The following ACOXL variants were observed in gnomAD, a reference collection of about 807,000 sequenced individuals.
ACOXL encodes the protein acyl-coenzyme A oxidase-like protein.
A neutral mutation model predicts 71.9 loss-of-function variants in ACOXL; 70 were observed. The ratio of observed to expected loss-of-function variants is 0.97; its 90% CI spans 0.80 to 1.19. The LOEUF (loss-of-function observed/expected upper bound fraction) is 1.19. ACOXL is among the 50% of genes most tolerant of loss of function. The probability of loss-of-function intolerance (pLI) is 0.00; values close to 1 mark genes in which losing one functional copy is unlikely to be tolerated. For synonymous variants in ACOXL, 253 were observed against 281.6 expected (o/e 0.90, Z 1.02); for missense variants, 703 against 736.3 (o/e 0.95, Z 0.52).
intron 9 of ACOXL, among the ~76,000 whole-genome samples, chr2:110,809,849 G>A (rs1328845127): frequency 6.6e-6 from 1 of 152,212 alleles, no homozygotes; most frequent in African/African-American, 2.4e-5. Flanking sequence ...TGGAGTGGTG[G>A]TGTGGCTCTG....
At chr2:110,857,237 A>G (rs1693369379) in intron 10 of ACOXL, among the ~76,000 whole-genome samples, 1 of 152,146 alleles carries the variant, frequency 6.6e-6, no homozygotes. Context: ...GCTCTCACAT[A>G]TAGATGTAGA....
At chr2:111,006,159 A>G (rs1430050201) in intron 14 of ACOXL, among the ~76,000 whole-genome samples, 1 of 152,236 alleles carries the variant, frequency 6.6e-6, no homozygotes, top group Non-Finnish European at 1.5e-5. Context: ...TGAGTTAGGA[A>G]GATGACCTGA....
chr2:111,057,977 C>CAA (rs5833384), intron 16 of ACOXL, among the ~76,000 whole-genome samples: 1 of 152,120 alleles, frequency 6.6e-6, no homozygotes, highest in Non-Finnish European at 1.5e-5. Context: ...GAGTCTAGCA[C>CAA]GGCTTGCGGG....
At chr2:110,805,114 G>T in intron 8 of ACOXL, 149 bp from the exon 9 acceptor site, 3 of 990,778 alleles carry the variant, frequency 3.0e-6, no homozygotes. Context: ...GACTCCCCCT[G>T]CCCTTATCGG....
chr2:110,936,244 G>C (rs766806394), intron 12 of ACOXL, among the ~76,000 whole-genome samples: 2 of 152,086 alleles, frequency 1.3e-5, no homozygotes, highest in Non-Finnish European at 2.9e-5. Context: ...GTCACAAATA[G>C]TGGTTCTCTG....
chr2:110,903,902 G>T (rs1399836103), intron 10 of ACOXL, among the ~76,000 whole-genome samples: 4 of 152,246 alleles, frequency 2.6e-5, no homozygotes, highest in Admixed American at 2.6e-4. Flanking sequence ...GCCCTCTGGG[G>T]ACCCTAAGTC....
At chr2:110,746,017 C>T (rs1398504761) in intron 1 of ACOXL, among the ~76,000 whole-genome samples, 1 of 152,124 alleles carries the variant, frequency 6.6e-6, no homozygotes, top group Non-Finnish European at 1.5e-5. Context: ...TTGATAGTAT[C>T]TCTTCTCTTT....
At chr2:110,995,499 C>CAAAAAAAAAAAAAA (rs567318996) in intron 13 of ACOXL, among the ~76,000 whole-genome samples, 6 of 67,298 alleles carry the variant, frequency 8.9e-5, no homozygotes, top group South Asian at 9.1e-4. Flanking sequence ...GACTCTGTCT[C>CAAAAAAAAAAAAAA]AAAAAAAAAA....
In ACOXL at chr2:111,048,532, C is replaced by T. The variant is rs192057235; in HGVS notation, c.1370-686C>T. Reference sequence around the variant, plus strand: ...CTTACACCAAAATAAAAATTGGTCACCACATAAGTGAGCCTTTGATGAGAA... The same window carrying T: ...CTTACACCAAAATAAAAATTGGTCATCACATAAGTGAGCCTTTGATGAGAA... On this transcript the variant is annotated intron_variant, in intron 15 of 17. Coordinates refer to ENST00000439055, the MANE Select transcript of ACOXL (RefSeq NM_001142807.4). Among the ~76,000 whole-genome samples, 308 of 152,232 alleles carry T rather than the reference C, an allele frequency of 2.0e-3. 1 individual carries two copies. The highest frequency in any genetic ancestry group is 0.01 in the Middle Eastern group (3 of 294).
At chr2:110,737,129 ATTC>A (rs1258137198) in intron 1 of ACOXL, among the ~76,000 whole-genome samples, 1 of 152,210 alleles carries the variant, frequency 6.6e-6, no homozygotes, top group Non-Finnish European at 1.5e-5. Flanking sequence ...TTGAAATTGA[ATTC>A]TTATTTTCAT....
intron 16 of ACOXL, among the ~76,000 whole-genome samples, chr2:111,070,451 A>G (rs1473531618): frequency 6.6e-6 from 1 of 152,192 alleles, no homozygotes; most frequent in Non-Finnish European, 1.5e-5. Context: ...ATAAGTAGGA[A>G]CACATGGACA....
At chr2:111,036,100 T>C (rs931509742) in intron 15 of ACOXL, among the ~76,000 whole-genome samples, 3 of 152,208 alleles carry the variant, frequency 2.0e-5, no homozygotes, top group Non-Finnish European at 4.4e-5. Context: ...CGACTTGGGG[T>C]AGAACCAGAA....
At chr2:110,791,733 T>A (rs940468308) in intron 3 of ACOXL, among the ~76,000 whole-genome samples, 16 of 152,218 alleles carry the variant, frequency 1.1e-4, no homozygotes, top group Non-Finnish European at 2.1e-4. Context: ...TCCGAGCTGC[T>A]AGAGTTGATC....
chr2:111,096,777 C>G (rs1029479840), intron 17 of ACOXL, among the ~76,000 whole-genome samples: 2 of 152,094 alleles, frequency 1.3e-5, no homozygotes, highest in Non-Finnish European at 2.9e-5. Context: ...AAGTCCTAAT[C>G]GAAGGTAATT....
In ACOXL at chr2:110,841,394, C is replaced by T. The variant is rs778976319; in HGVS notation, c.777C>T (p.Arg259=). The T allele has an allele frequency of 6.2e-6, 10 of 1,609,714 alleles. No individual in the cohort carries two copies. Among genetic ancestry groups the T allele is most frequent in the East Asian group, 2.2e-5 (1 of 44,878 alleles). The change falls in exon 10 of 18, where the codon CGC becomes CGT. Residue 259 remains arginine (R), a synonymous_variant. Coordinates refer to ENST00000439055, the MANE Select transcript of ACOXL (RefSeq NM_001142807.4). The stretch of plus-strand genomic sequence containing the variant: ...AGCTTGGGTTGACGATAGCCATTCG[C>T]TATAGCCACAGGTAAATGTTTACAT... The part of the protein sequence containing the change: ...AMKLGLTIAI[R]YSHSRRQFGP...
At chr2:110,821,480 A>G (rs17041557) in intron 9 of ACOXL, among the ~76,000 whole-genome samples, 6,110 of 152,198 alleles carry the variant, frequency 0.04, 227 homozygotes, top group African/African-American at 0.092. Context: ...TGTGTGGCTC[A>G]GAATTTGACA....
intron 10 of ACOXL, among the ~76,000 whole-genome samples, chr2:110,882,734 T>A (rs1300212521): frequency 6.6e-6 from 1 of 152,198 alleles, no homozygotes; most frequent in Non-Finnish European, 1.5e-5. Flanking sequence ...GAAAAGACCA[T>A]CATTCCTCCA....
At chr2:110,758,955 G>A (rs1299843885) in intron 1 of ACOXL, among the ~76,000 whole-genome samples, 1 of 152,182 alleles carries the variant, frequency 6.6e-6, no homozygotes, top group Non-Finnish European at 1.5e-5. Context: ...TTCAGGAGCA[G>A]GTTGTTCCGT....
At chr2:110,942,376 G>A (rs1383148861) in intron 12 of ACOXL, among the ~76,000 whole-genome samples, 1 of 152,178 alleles carries the variant, frequency 6.6e-6, no homozygotes, top group Non-Finnish European at 1.5e-5. Flanking sequence ...GGGAAAAGAT[G>A]CACCATGTTA....
Sources: allele counts gnomAD v4.1 joint callset (sites outside exome capture counted in the v4.1 genomes callset), GRCh38; gene constraint gnomAD v4.1.1; transcripts MANE v1.5; gene names NCBI Gene and HGNC (gene_info 2026-07-23, HGNC 2026-07-21).